Variants in ATP13A2 observed in about 807,000 individuals in gnomAD.
ATP13A2 encodes the protein ATPase cation transporting 13A2.
In ATP13A2, 83 loss-of-function variants were observed where a neutral mutation model predicts 138.3. The observed-to-expected ratio is 0.60, with a 90% CI of 0.50 to 0.72. The LOEUF (loss-of-function observed/expected upper bound fraction) is 0.72. Among genes scored for constraint, ATP13A2 ranks in the 30% least tolerant of loss-of-function variants. The pLI, the probability that ATP13A2 is intolerant of heterozygous loss-of-function variation, is 0.00. For missense variants in ATP13A2, 1,402 were observed against 1,606.4 expected (o/e 0.87, Z 2.17); for synonymous variants, 663 against 699.0 (o/e 0.95, Z 0.81).
Position 16,986,973 on chromosome 1 carries a change from G to A in ATP13A2, c.3084-17C>T. ...GGCACGAACCTGGGGGTACAGGGAT[G>A]GGGGTCAGGGAACGAACGTGGGGTG... On this transcript the variant is annotated splice_polypyrimidine_tract_variant and intron_variant, in intron 26 of 28. Transcript: ENST00000326735. The surrounding 1 kb of genome is among the most constrained non-coding windows in gnomAD (Gnocchi z 6.9). 1 of 1,613,426 alleles carries A rather than the reference G, an allele frequency of 6.2e-7. No individual in the cohort carries two copies. Among genetic ancestry groups the A allele is most frequent in the Non-Finnish European group, 8.5e-7 (1 of 1,179,564 alleles).
At position 16,986,958 on chromosome 1, in the gene ATP13A2, TG is replaced by T; in HGVS notation, c.3084-3del. On this transcript the variant is annotated splice_region_variant and splice_polypyrimidine_tract_variant and intron_variant, in intron 26 of 28. Coordinates refer to ENST00000326735, the MANE Select transcript of ATP13A2 (RefSeq NM_022089.4). The surrounding 1 kb of genome is among the most constrained non-coding windows in gnomAD (Gnocchi z 6.9). The stretch of plus-strand genomic sequence containing the variant: ...ACTGTCCTGTTCAGAGGCACGAACC[TG>T]GGGGTACAGGGATGGGGGTCAGGGA... The T allele has an allele frequency of 6.3e-7, 1 of 1,587,670 alleles. No individual in the cohort carries two copies. Among genetic ancestry groups the T allele is most frequent in the Non-Finnish European group, 8.6e-7 (1 of 1,169,380 alleles).
intron 1 of ATP13A2, among the ~76,000 whole-genome samples, chr1:17,010,131 G>A (rs977966146): frequency 6.7e-6 from 1 of 148,436 alleles, no homozygotes. Flanking sequence ...AGGCTGGAGT[G>A]CAGTGGAGAG....
Position 16,986,830 on chromosome 1 carries a change from G to A in ATP13A2, c.3210C>T (p.Pro1070=), listed in dbSNP as rs2076747756. The part of the protein sequence containing the change: ...ILAAAVSKGA[P]FRRPLYTNVP... ...CATTGGTGTAGAGCGGCCGGCGGAAGGGCGCCCCCTTGGACACGGCTGCAG... is the reference window on the plus strand; with the variant it reads ...CATTGGTGTAGAGCGGCCGGCGGAAAGGCGCCCCCTTGGACACGGCTGCAG... Residue 1070 remains proline, a synonymous_variant, in exon 27 of 29, where the codon CCC becomes CCT. Transcript: ENST00000326735. The surrounding 1 kb of genome is among the most constrained non-coding windows in gnomAD (Gnocchi z 6.9). 1 of 1,612,772 alleles carries A rather than the reference G, an allele frequency of 6.2e-7. No homozygotes were observed. The highest frequency in any genetic ancestry group is 8.5e-7 in the Non-Finnish European group (1 of 1,179,672).
chr1:16,991,751 C>T lies in ATP13A2; in HGVS notation c.2234G>A (p.Arg745His), dbSNP rs140455242. Residue 745 changes from arginine to histidine, a missense_variant, in exon 20 of 29, where the codon CGC (arginine) becomes CAC (histidine). Coordinates refer to ENST00000326735, the MANE Select transcript of ATP13A2 (RefSeq NM_022089.4). ...VIQALRRTRI[R>H]AVMVTGDNLQ... ...CATTGTACCTGTCACCATGACGGCGCGGATGCGGGTCCTTCGCAGAGCCTG... is the reference window on the plus strand; with the variant it reads ...CATTGTACCTGTCACCATGACGGCGTGGATGCGGGTCCTTCGCAGAGCCTG... 8.1e-6 allele frequency: 13 copies of T among 1,614,176 alleles called. No individual in the cohort carries two copies. Among genetic ancestry groups the T allele is most frequent in the Middle Eastern group, 1.6e-4 (1 of 6,062 alleles).
chr1:16,987,850 G>A (rs1021163105), intron 25 of ATP13A2, among the ~76,000 whole-genome samples: 22 of 152,188 alleles, frequency 1.4e-4, no homozygotes, highest in African/African-American at 4.3e-4. Context: ...CCCTGCCTCC[G>A]TTCAGTCTTC....
rs117838709 is a variant in ATP13A2 at position 17,005,561 on chromosome 1, G to A, written c.106-5C>T. 428 of 1,614,204 alleles carry A rather than the reference G, an allele frequency of 2.7e-4. No homozygotes were observed. The East Asian group carries it at 8.2e-3, about 31-fold the overall frequency. ...GCCACAGTAGCCGCTGAGCCTCTGC[G>A]AACGCAGCGAGAGAGGGCCCAGGTC... On this transcript the variant is annotated splice_polypyrimidine_tract_variant and splice_region_variant and intron_variant, in intron 2 of 28. Coordinates refer to ENST00000326735, the MANE Select transcript of ATP13A2 (RefSeq NM_022089.4).
Position 16,995,744 on chromosome 1 carries a change from C to A in ATP13A2, c.1542+232G>T, listed in dbSNP as rs935178234. Reference sequence around the variant, plus strand: ...TACAGACGTGAGCCACCGCGCCCGGCCCCCCACCAGTTCTTGAACACATGA... The same window carrying A: ...TACAGACGTGAGCCACCGCGCCCGGACCCCCACCAGTTCTTGAACACATGA... On this transcript the variant is annotated intron_variant, in intron 15 of 28. Transcript: ENST00000326735. The surrounding 1 kb of genome is among the most constrained non-coding windows in gnomAD (Gnocchi z 4.1). The A allele has an allele frequency of 1.6e-6, 1 of 643,446 alleles. No individual in the cohort carries two copies. The highest frequency in any genetic ancestry group is 2.8e-6 in the Non-Finnish European group (1 of 359,044). The allele number at this position is 643,446 out of a possible 1,614,324, so 39.9% of individuals were successfully genotyped here. A position where few individuals can be genotyped will look rare whatever the true frequency, so the allele number is the denominator to read the frequency against.
At chr1:16,990,885 G>A (rs1483491352) in intron 20 of ATP13A2, among the ~76,000 whole-genome samples, 2 of 152,056 alleles carry the variant, frequency 1.3e-5, no homozygotes, top group Non-Finnish European at 2.9e-5. Context: ...GTGCACATAT[G>A]TGTGTGTGCA....
intron 14 of ATP13A2, 26 bp from the exon 15 acceptor site, chr1:16,996,190 G>A: frequency 6.2e-7 from 1 of 1,614,176 alleles, no homozygotes; most frequent in Non-Finnish European, 8.5e-7. Context: ...ATGAATGTGA[G>A]CACCTGGCTG....
intron 11 of ATP13A2, among the ~76,000 whole-genome samples, chr1:16,998,020 C>T (rs1304569983): frequency 1.3e-5 from 2 of 152,208 alleles, no homozygotes; most frequent in African/African-American, 2.4e-5. Context: ...AACAGTGGCA[C>T]TCCCTTACTG....
rs551657502 is a variant in ATP13A2 at position 17,004,873 on chromosome 1, C to T, written c.348-52G>A. ...CGAGCTCTGGGAGCTGCCCTGGCAC[C>T]TCCCTGTGCTCACAGAGCCATCTTC... On this transcript the variant is annotated intron_variant, in intron 4 of 28. Transcript: ENST00000326735. The surrounding 1 kb of genome is among the most constrained non-coding windows in gnomAD (Gnocchi z 4.1). 67 of 1,613,444 alleles carry T rather than the reference C, an allele frequency of 4.2e-5. No homozygotes were observed. The African/African-American group carries it at 8.0e-4, about 19-fold the overall frequency.
chr1:16,995,624 T>A lies in ATP13A2; in HGVS notation c.1542+352A>T. ...CATCATGCCTGGCTAACTTTTGTAT[T>A]TTTAGTAGACGGGGTTTTGCCATGT... On this transcript the variant is annotated intron_variant, in intron 15 of 28. Transcript: ENST00000326735. This position sits in a 1 kb window ranked among gnomAD's most constrained non-coding sequence, Gnocchi z 4.1. 2.7e-6 allele frequency: 1 copy of A among 370,204 alleles called. No individual in the cohort carries two copies. The highest frequency in any genetic ancestry group is 5.3e-6 in the Non-Finnish European group (1 of 190,122). The allele number at this position is 370,204 out of a possible 1,614,324, so 22.9% of individuals were successfully genotyped here.
chr1:16,990,241 C>T lies in ATP13A2; in HGVS notation c.2298G>A (p.Met766Ile). 1 of 1,614,032 alleles carries T rather than the reference C, an allele frequency of 6.2e-7. No individual in the cohort carries two copies. The highest frequency in any genetic ancestry group is 8.5e-7 in the Non-Finnish European group (1 of 1,180,036). Residue 766 changes from methionine (M) to isoleucine (I), a missense_variant, in exon 21 of 29, where the codon ATG becomes ATA. By Grantham distance (10) the Met-to-Ile change is conservative (BLOSUM62 1). Transcript: ENST00000326735. ...TGATCAGATGCTCCTGGGGGGCCACCATGCCACAGCCCCGGGCCACAGTCA... is the reference window on the plus strand; with the variant it reads ...TGATCAGATGCTCCTGGGGGGCCACTATGCCACAGCCCCGGGCCACAGTCA... ...TAVTVARGCG[M>I]VAPQEHLIIV...
intron 11 of ATP13A2, 40 bp downstream of exon 11, chr1:16,999,971 G>A: frequency 6.4e-7 from 1 of 1,568,130 alleles, no homozygotes. Context: ...TTGGATGGCA[G>A]GGGAGGAAGG....
chr1:17,005,324 C>T (rs1488241392), intron 3 of ATP13A2, 50 bp downstream of exon 3: 1 of 1,557,270 alleles, frequency 6.4e-7, no homozygotes, highest in Non-Finnish European at 8.7e-7. Context: ...CCACCCCCGA[C>T]CCTGACCCTC....
At chr1:16,988,577 G>A (rs2076816530) in intron 23 of ATP13A2, 103 bp from the exon 24 acceptor site, 2 of 1,437,040 alleles carry the variant, frequency 1.4e-6, no homozygotes, top group African/African-American at 2.8e-5. Context: ...GCCACATGGT[G>A]CCTGGTGTAC....
In ATP13A2 at chr1:16,995,102, G is replaced by A. The variant is rs942561471; in HGVS notation, c.1542+874C>T. On this transcript the variant is annotated intron_variant, in intron 15 of 28. Transcript: ENST00000326735. This position sits in a 1 kb window ranked among gnomAD's most constrained non-coding sequence, Gnocchi z 4.1. ...CAGGTACGCAGCACATCTGTGCCAC[G>A]CCACTCCCTGTGCCCCAGGCACACG... is the stretch of plus-strand genomic sequence containing the variant. Among the ~76,000 whole-genome samples the A allele has an allele frequency of 6.6e-6, 1 of 152,090 alleles. No individual in the cohort carries two copies. The highest frequency in any genetic ancestry group is 2.1e-4 in the South Asian group (1 of 4,824).
Position 16,986,392 on chromosome 1 carries a change from G to T in ATP13A2, c.3406-34C>A. ...GGCAGGGAGGGTGTCAGGGGCAGCC[G>T]GGGCTGAGCTGGGGTCAATGCACCC... On this transcript the variant is annotated intron_variant, in intron 28 of 28. Transcript: ENST00000326735. The surrounding 1 kb of genome is among the most constrained non-coding windows in gnomAD (Gnocchi z 6.9). The T allele has an allele frequency of 6.3e-7, 1 of 1,593,990 alleles. No homozygotes were observed.
chr1:16,997,016 A>G lies in ATP13A2; in HGVS notation c.1195+4T>C. The G allele has an allele frequency of 6.2e-7, 1 of 1,611,604 alleles. No homozygotes were observed. The highest frequency in any genetic ancestry group is 2.2e-5 in the East Asian group (1 of 44,856). ...TCTCTCAAGCCCAGCCTCCCGGCTC[A>G]TACCTGTGCGGGTCACCACTGCCAG... On this transcript the variant is annotated splice_donor_region_variant and intron_variant, in intron 12 of 28. Coordinates refer to ENST00000326735, the MANE Select transcript of ATP13A2 (RefSeq NM_022089.4).
Sources: allele counts gnomAD v4.1 joint callset (sites outside exome capture counted in the v4.1 genomes callset), GRCh38; gene constraint gnomAD v4.1.1; non-coding constraint Gnocchi (gnomAD v3.1); transcripts MANE v1.5; gene names NCBI Gene and HGNC (gene_info 2026-07-23, HGNC 2026-07-21).